Variants in KIAA0825 observed in about 807,000 individuals in gnomAD.
The protein encoded by KIAA0825 is uncharacterized protein KIAA0825.
In KIAA0825, 119 loss-of-function variants were observed where a neutral mutation model predicts 147.6. The observed-to-expected ratio is 0.81, with a 90% CI of 0.69 to 0.94. KIAA0825 has a LOEUF of 0.94. Among genes scored for constraint, KIAA0825 ranks in the 40% least tolerant of loss-of-function variants. KIAA0825 has a pLI of 0.00. For missense variants in KIAA0825, 1,381 were observed against 1,472.7 expected (o/e 0.94, Z 1.02); for synonymous variants, 470 against 518.1 (o/e 0.91, Z 1.26).
chr5:94,573,032 A>G (rs796906522), intron 2 of KIAA0825, among the ~76,000 whole-genome samples: 5 of 147,446 alleles, frequency 3.4e-5, no homozygotes, highest in African/African-American at 1.2e-4. Context: ...GCTTGGTTTC[A>G]TATATTTTAG....
chr5:94,555,646 A>G (rs1776401811), intron 2 of KIAA0825, among the ~76,000 whole-genome samples: 1 of 152,206 alleles, frequency 6.6e-6, no homozygotes, highest in African/African-American at 2.4e-5. Flanking sequence ...TTGCTCACCA[A>G]TTCTGACATT....
intron 1 of KIAA0825, among the ~76,000 whole-genome samples, chr5:94,584,155 C>A (rs1356033945): frequency 6.6e-6 from 1 of 152,138 alleles, no homozygotes; most frequent in East Asian, 1.9e-4. Flanking sequence ...CAACTCTTCA[C>A]CAGCAAAGGA....
chr5:94,441,094 A>T (rs1486085600), intron 13 of KIAA0825, among the ~76,000 whole-genome samples: 1 of 152,074 alleles, frequency 6.6e-6, no homozygotes, highest in Non-Finnish European at 1.5e-5. Flanking sequence ...TCACTGAGAG[A>T]GGCAATCTGC....
chr5:94,560,128 A>G (rs1217318273), intron 2 of KIAA0825, among the ~76,000 whole-genome samples: 1 of 152,156 alleles, frequency 6.6e-6, no homozygotes, highest in Non-Finnish European at 1.5e-5. Flanking sequence ...TCCCTCCTAT[A>G]ACTTAATGTA....
At chr5:94,525,288 G>A (rs1051445836) in intron 3 of KIAA0825, among the ~76,000 whole-genome samples, 3 of 151,842 alleles carry the variant, frequency 2.0e-5, no homozygotes, top group East Asian at 3.9e-4. Flanking sequence ...GATGTCATAC[G>A]AAAGACTCTT....
At chr5:94,470,957 G>C (rs1761144059) in intron 9 of KIAA0825, among the ~76,000 whole-genome samples, 1 of 152,108 alleles carries the variant, frequency 6.6e-6, no homozygotes, top group Admixed American at 6.5e-5. Flanking sequence ...TGCAGTTTTA[G>C]ACTACAGATA....
chr5:94,532,186 T>G (rs1295486801), intron 3 of KIAA0825, among the ~76,000 whole-genome samples: 1 of 152,200 alleles, frequency 6.6e-6, no homozygotes. Flanking sequence ...CTCACATTGT[T>G]GCCCAGGCGG....
intron 2 of KIAA0825, among the ~76,000 whole-genome samples, chr5:94,543,958 C>T (rs540553139): frequency 9.3e-4 from 141 of 152,280 alleles, no homozygotes; most frequent in African/African-American, 3.3e-3. Context: ...CAAGAAATAA[C>T]CATAAAAATG....
chr5:94,177,194 ATAT>A (rs1213608815), intron 20 of KIAA0825, among the ~76,000 whole-genome samples: 1 of 152,154 alleles, frequency 6.6e-6, no homozygotes, highest in Non-Finnish European at 1.5e-5. Flanking sequence ...CACCAATCAA[ATAT>A]TATAAAGAAA....
chr5:94,230,141 A>G (rs1774561046), intron 20 of KIAA0825, among the ~76,000 whole-genome samples: 1 of 152,154 alleles, frequency 6.6e-6, no homozygotes, highest in South Asian at 2.1e-4. Context: ...TCCAAATTTT[A>G]GTATTTGAGG....
chr5:94,170,285 C>A (rs1246445214), intron 20 of KIAA0825, among the ~76,000 whole-genome samples: 3 of 152,028 alleles, frequency 2.0e-5, no homozygotes, highest in African/African-American at 7.3e-5. Context: ...GGCGACAGAG[C>A]AAGACTCCAT....
intron 2 of KIAA0825, among the ~76,000 whole-genome samples, chr5:94,541,709 C>T (rs1442812964): frequency 1.3e-5 from 2 of 152,176 alleles, no homozygotes; most frequent in Non-Finnish European, 2.9e-5. Context: ...GCAAATCTTA[C>T]CTTATGGTCA....
chr5:94,159,592 A>G (rs540213524), intron 20 of KIAA0825, among the ~76,000 whole-genome samples: 2 of 152,250 alleles, frequency 1.3e-5, no homozygotes, highest in African/African-American at 4.8e-5. Context: ...CAATAAATAA[A>G]TATTGCATAT....
At chr5:94,355,331 C>T (rs1171723000) in intron 20 of KIAA0825, among the ~76,000 whole-genome samples, 1 of 152,128 alleles carries the variant, frequency 6.6e-6, no homozygotes, top group East Asian at 1.9e-4. Flanking sequence ...CAAATTTTCC[C>T]CCACAAAGGA....
chr5:94,616,645 G>A (rs544618065), intron 1 of KIAA0825, among the ~76,000 whole-genome samples: 1 of 152,290 alleles, frequency 6.6e-6, no homozygotes, highest in African/African-American at 2.4e-5. Context: ...TATGCTTGCT[G>A]ATGGTCTCCA....
At chr5:94,458,815 C>T (rs1759459726) in intron 12 of KIAA0825, among the ~76,000 whole-genome samples, 1 of 151,584 alleles carries the variant, frequency 6.6e-6, no homozygotes, top group South Asian at 2.1e-4. Flanking sequence ...ATTTTCACAA[C>T]TTTATTGAGA....
chr5:94,262,380 A>G, intron 20 of KIAA0825, among the ~76,000 whole-genome samples: 2 of 152,160 alleles, frequency 1.3e-5, no homozygotes, highest in East Asian at 3.8e-4. Context: ...TAAAATTTAA[A>G]CATTTTTATC....
At chr5:94,555,605 G>C (rs1382691362) in intron 2 of KIAA0825, among the ~76,000 whole-genome samples, 1 of 152,126 alleles carries the variant, frequency 6.6e-6, no homozygotes, top group Non-Finnish European at 1.5e-5. Context: ...ATTGTAGCTT[G>C]ACAAGCAAAC....
At chr5:94,344,999 C>T (rs996825483) in intron 20 of KIAA0825, among the ~76,000 whole-genome samples, 1 of 151,724 alleles carries the variant, frequency 6.6e-6, no homozygotes, top group Non-Finnish European at 1.5e-5. Flanking sequence ...AGTGATTATA[C>T]AACAATGTGA....
Sources: allele counts gnomAD v4.1 joint callset (sites outside exome capture counted in the v4.1 genomes callset), GRCh38; gene constraint gnomAD v4.1.1; transcripts MANE v1.5; gene names NCBI Gene and HGNC (gene_info 2026-07-23, HGNC 2026-07-21).